The following LDLRAD3 variants were observed in gnomAD, a reference collection of about 807,000 sequenced individuals.
LDLRAD3 encodes low density lipoprotein receptor class A domain containing 3.
A neutral mutation model predicts 29.4 loss-of-function variants in LDLRAD3; 20 were observed. The ratio of observed to expected loss-of-function variants is 0.68; its 90% CI spans 0.48 to 0.99. The LOEUF (loss-of-function observed/expected upper bound fraction) is 0.99. Among genes scored for constraint, LDLRAD3 ranks in the 50% least tolerant of loss-of-function variants. The probability of loss-of-function intolerance (pLI) is 0.00; values close to 1 mark genes in which losing one functional copy is unlikely to be tolerated. For synonymous variants in LDLRAD3, 157 were observed against 192.7 expected, an observed-to-expected ratio of 0.81 and a Z score of 1.53; for missense variants, 420 against 454.3, an observed-to-expected ratio of 0.92 and a Z score of 0.69.
chr11:36,076,163 T>A (rs539128113), intron 2 of LDLRAD3, among the ~76,000 whole-genome samples: 8 of 152,336 alleles, frequency 5.3e-5, no homozygotes, highest in African/African-American at 1.4e-4. Flanking sequence ...AATGTATGTA[T>A]GTGCATTATC....
intron 3 of LDLRAD3, among the ~76,000 whole-genome samples, chr11:36,082,606 ACTGTGACCACC>A (rs1391566294): frequency 1.4e-5 from 2 of 146,602 alleles, no homozygotes; most frequent in Non-Finnish European, 3.0e-5. Context: ...GTCCTTCTTG[ACTGTGACCACC>A]CTGATTTGTT....
At chr11:36,004,519 G>A (rs1273636565) in intron 1 of LDLRAD3, among the ~76,000 whole-genome samples, 1 of 152,200 alleles carries the variant, frequency 6.6e-6, no homozygotes, top group Non-Finnish European at 1.5e-5. Context: ...AGCTTTCACA[G>A]GCTGGCATTG....
rs1369700898 is a variant in LDLRAD3, at chr11:36,213,522, G to A, written c.455-13563G>A. On this transcript the variant is annotated intron_variant, in intron 4 of 5. Transcript: ENST00000315571. This position sits in a 1 kb window ranked among gnomAD's most constrained non-coding sequence, Gnocchi z 4.1. ...AGACAGGAAAGTCAGGGTGGATGTG[G>A]GGATGCCCTTGGTTTACAGTGGCCC... Among the ~76,000 whole-genome samples the A allele has an allele frequency of 2.6e-5, 4 of 152,208 alleles. No homozygotes were observed. The highest frequency in any genetic ancestry group is 5.9e-5 in the Non-Finnish European group (4 of 68,028).
chr11:35,965,351 T>C (rs531770091), intron 1 of LDLRAD3, among the ~76,000 whole-genome samples: 86 of 152,350 alleles, frequency 5.6e-4, no homozygotes, highest in African/African-American at 2.0e-3. Flanking sequence ...CATTTTCTAC[T>C]TTTGTTGCTA....
intron 4 of LDLRAD3, among the ~76,000 whole-genome samples, chr11:36,205,565 T>A (rs1475922873): frequency 6.6e-6 from 1 of 152,242 alleles, no homozygotes; most frequent in African/African-American, 2.4e-5. Flanking sequence ...TCTCCTGTTA[T>A]TCCCCCAAAG....
intron 2 of LDLRAD3, among the ~76,000 whole-genome samples, chr11:36,063,473 A>G (rs552692570): frequency 3.3e-5 from 5 of 152,310 alleles, no homozygotes; most frequent in Admixed American, 6.5e-5. Context: ...AGATTTGCCT[A>G]TTCTGGACAT....
intron 1 of LDLRAD3, among the ~76,000 whole-genome samples, chr11:35,958,239 C>T (rs1405194957): frequency 6.6e-6 from 1 of 152,220 alleles, no homozygotes; most frequent in Non-Finnish European, 1.5e-5. Context: ...ATTTCAGATG[C>T]TCAATAGTCC....
intron 1 of LDLRAD3, among the ~76,000 whole-genome samples, chr11:35,951,018 G>A (rs560946189): frequency 6.6e-6 from 1 of 152,014 alleles, no homozygotes; most frequent in Non-Finnish European, 1.5e-5. Flanking sequence ...GGGAAGTGGA[G>A]GTTGCAGTGA....
chr11:36,076,642 T>C (rs1853013315), intron 2 of LDLRAD3, among the ~76,000 whole-genome samples: 1 of 152,198 alleles, frequency 6.6e-6, no homozygotes, highest in South Asian at 2.1e-4. Flanking sequence ...CACCTCGGCC[T>C]CCCAAAGTGC....
chr11:36,059,020 C>T (rs1852661498), intron 2 of LDLRAD3, among the ~76,000 whole-genome samples: 1 of 152,156 alleles, frequency 6.6e-6, no homozygotes, highest in African/African-American at 2.4e-5. Context: ...CTCTGTGCCT[C>T]CCTCTGTGCT....
Position 36,036,431 on chromosome 11 carries a change from A to G in LDLRAD3, c.193+182A>G, listed in dbSNP as rs1337800306. ...TCTCAGAGTCACATGCTCTGTGTAG[A>G]CACAGGGATCTTGGTGGTGGTGGAG... On this transcript the variant is annotated intron_variant, in intron 2 of 5. Transcript: ENST00000315571. 3.9e-5 allele frequency among the ~76,000 whole-genome samples: 6 copies of G among 151,968 alleles called. No individual in the cohort carries two copies. In the East Asian group the frequency reaches 1.2e-3, roughly 29 times the overall value.
chr11:36,036,563 G>C (rs1266878431), intron 2 of LDLRAD3, among the ~76,000 whole-genome samples: 2 of 152,132 alleles, frequency 1.3e-5, no homozygotes, highest in African/African-American at 4.8e-5. Flanking sequence ...GAGCATCCCA[G>C]AGGTTATGTG....
chr11:36,100,363 G>A lies in LDLRAD3; in HGVS notation c.454+1902G>A, dbSNP rs114585066. On this transcript the variant is annotated intron_variant, in intron 4 of 5. Transcript: ENST00000315571. ...TTGCCAGTGATGGACACCAAATAGG[G>A]AACAAGAATGCAAAATCAAGTAAGT... Among the ~76,000 whole-genome samples, 1,327 of 152,268 alleles carry A rather than the reference G, an allele frequency of 8.7e-3. 16 individuals are homozygous for A. The highest frequency in any genetic ancestry group is 0.03 in the African/African-American group (1,259 of 41,526).
chr11:36,088,646 C>T (rs557862007), intron 3 of LDLRAD3, among the ~76,000 whole-genome samples: 1 of 152,294 alleles, frequency 6.6e-6, no homozygotes, highest in East Asian at 1.9e-4. Context: ...GCCAATTCAT[C>T]AGTTGTAGCC....
intron 4 of LDLRAD3, among the ~76,000 whole-genome samples, chr11:36,132,845 C>T (rs1434004737): frequency 1.3e-5 from 2 of 152,190 alleles, no homozygotes; most frequent in Non-Finnish European, 2.9e-5. Context: ...GAGGGAAGAG[C>T]ACCACGTTAG....
intron 4 of LDLRAD3, among the ~76,000 whole-genome samples, chr11:36,176,003 A>T (rs761171472): frequency 3.4e-4 from 51 of 152,190 alleles, no homozygotes; most frequent in Middle Eastern, 3.2e-3. Flanking sequence ...TAGTACATAT[A>T]TATTTAGAAT....
intron 2 of LDLRAD3, among the ~76,000 whole-genome samples, chr11:36,067,746 C>A (rs529803465): frequency 6.6e-6 from 1 of 152,338 alleles, no homozygotes; most frequent in South Asian, 2.1e-4. Flanking sequence ...TCTCAGCTCA[C>A]TGCAGCCTCT....
At position 35,966,227 on chromosome 11, in the gene LDLRAD3, C is replaced by G. The variant is rs367643741; in HGVS notation, c.46+22083C>G. On this transcript the variant is annotated intron_variant, in intron 1 of 5. Coordinates refer to ENST00000315571, the MANE Select transcript of LDLRAD3 (RefSeq NM_174902.4). ...TGGATCAGAGGTCAGGAGTTTGAGA[C>G]CAGCCTGGCCAATATGGTGAAACCC... Among the ~76,000 whole-genome samples the G allele has an allele frequency of 1.5e-4, 23 of 152,276 alleles. No individual in the cohort carries two copies. In the East Asian group the frequency reaches 4.3e-3, roughly 28 times the overall value.
At chr11:36,226,971 G>T in intron 4 of LDLRAD3, 114 bp from the exon 5 acceptor site, 1 of 835,652 alleles carries the variant, frequency 1.2e-6, no homozygotes, top group Non-Finnish European at 1.9e-6. Context: ...TTTGGCTATT[G>T]TGAATAGGGC....
Sources: gnomAD v4.1 joint callset for allele counts (sites outside exome capture counted in the v4.1 genomes callset) on GRCh38, gnomAD v4.1.1 for gene constraint, Gnocchi (gnomAD v3.1) non-coding constraint, MANE v1.5 for transcripts, NCBI Gene and HGNC (gene_info 2026-07-23, HGNC 2026-07-21) for gene names.